Variants in AKAP19 observed in about 807,000 individuals in gnomAD.
The protein encoded by AKAP19 is A-kinase anchoring protein 19, also known as small A-kinase anchoring protein.
the AKAP19 span, among the ~76,000 whole-genome samples, chr2:190,098,055 GT>G: frequency 6.6e-6 from 1 of 151,908 alleles, no homozygotes; most frequent in African/African-American, 2.4e-5. Context: ...ATTCATGAAG[GT>G]TTGAATCAAC....
chr2:190,074,260 T>G, the AKAP19 span, among the ~76,000 whole-genome samples: 8 of 152,182 alleles, frequency 5.3e-5, no homozygotes, highest in Non-Finnish European at 1.0e-4. Flanking sequence ...GGTAAATTTT[T>G]ATAAGGAAAA....
chr2:190,139,900 C>T, the AKAP19 span, among the ~76,000 whole-genome samples: 9 of 152,124 alleles, frequency 5.9e-5, no homozygotes, highest in Non-Finnish European at 5.9e-5. Flanking sequence ...TGTCCAAGTC[C>T]AAAGTCTCAT....
At chr2:190,056,814 A>G in the AKAP19 span, 1 of 183,902 alleles carries the variant, frequency 5.4e-6, no homozygotes, top group Non-Finnish European at 1.2e-5. Flanking sequence ...TACAATATAA[A>G]TTCAAGTGTT....
chr2:189,945,610 A>G, the AKAP19 span, among the ~76,000 whole-genome samples: 2 of 152,232 alleles, frequency 1.3e-5, no homozygotes, highest in African/African-American at 4.8e-5. Context: ...TTAAAATTAT[A>G]CCTCAATAGA....
the AKAP19 span, among the ~76,000 whole-genome samples, chr2:190,095,167 A>G: frequency 6.6e-6 from 1 of 152,232 alleles, no homozygotes; most frequent in Non-Finnish European, 1.5e-5. Context: ...GGTTACAGTG[A>G]GCCAAGATCA....
the AKAP19 span, among the ~76,000 whole-genome samples, chr2:190,157,689 A>T: frequency 3.3e-5 from 5 of 152,142 alleles, no homozygotes; most frequent in Non-Finnish European, 5.9e-5. Flanking sequence ...TGTGGGAAAA[A>T]TTTACATTAA....
chr2:189,981,286 T>G, the AKAP19 span, among the ~76,000 whole-genome samples: 1 of 151,898 alleles, frequency 6.6e-6, no homozygotes, highest in Non-Finnish European at 1.5e-5. Context: ...TTTTTTTTTT[T>G]TTTTTGCTGT....
At chr2:190,167,333 C>A in the AKAP19 span, among the ~76,000 whole-genome samples, 2 of 152,196 alleles carry the variant, frequency 1.3e-5, no homozygotes, top group Non-Finnish European at 2.9e-5. Flanking sequence ...TCAGTTACCT[C>A]TCACTGGGTC....
At chr2:189,992,168 G>T in the AKAP19 span, among the ~76,000 whole-genome samples, 1 of 150,500 alleles carries the variant, frequency 6.6e-6, no homozygotes, top group Non-Finnish European at 1.5e-5. Flanking sequence ...CAATTCTCCT[G>T]TCTCAGCCTC....
At chr2:190,175,615 T>C in the AKAP19 span, among the ~76,000 whole-genome samples, 1 of 152,198 alleles carries the variant, frequency 6.6e-6, no homozygotes. Flanking sequence ...AAAGAATTTT[T>C]TTCTTCAGGA....
the AKAP19 span, among the ~76,000 whole-genome samples, chr2:190,013,445 T>C: frequency 6.6e-6 from 1 of 152,072 alleles, no homozygotes; most frequent in Non-Finnish European, 1.5e-5. Flanking sequence ...ATTTTAGTTA[T>C]AATTTTTTTC....
At chr2:190,018,631 A>G in the AKAP19 span, among the ~76,000 whole-genome samples, 1 of 152,142 alleles carries the variant, frequency 6.6e-6, no homozygotes, top group Admixed American at 6.5e-5. Flanking sequence ...GTCATTCCAT[A>G]GATCTTCATT....
At chr2:190,074,344 AAAG>A in the AKAP19 span, among the ~76,000 whole-genome samples, 1 of 152,054 alleles carries the variant, frequency 6.6e-6, no homozygotes, top group African/African-American at 2.4e-5. Flanking sequence ...CACAGTTTTG[AAAG>A]AAGAATTTAA....
At chr2:190,014,416 A>G in the AKAP19 span, among the ~76,000 whole-genome samples, 35 of 152,246 alleles carry the variant, frequency 2.3e-4, no homozygotes, top group East Asian at 6.8e-3. Context: ...TCTCATGAAA[A>G]TTCACTCACT....
the AKAP19 span, chr2:190,180,453 G>T: frequency 1.0e-6 from 1 of 985,186 alleles, no homozygotes; most frequent in Admixed American, 6.1e-5. This position sits in a 1 kb window ranked among gnomAD's most constrained non-coding sequence, Gnocchi z 6.8. Context: ...CCAGGGGCAG[G>T]GCCAGCGAAA....
At chr2:190,023,060 A>G in the AKAP19 span, among the ~76,000 whole-genome samples, 60 of 152,150 alleles carry the variant, frequency 3.9e-4, no homozygotes, top group Non-Finnish European at 7.4e-4. Flanking sequence ...ATTTATATTT[A>G]TATTTGAGCA....
At chr2:189,951,327 A>T in the AKAP19 span, among the ~76,000 whole-genome samples, 636 of 149,628 alleles carry the variant, frequency 4.3e-3, 9 homozygotes, top group African/African-American at 0.015. Context: ...TCAGCCTCCC[A>T]AGTAGCTGGG....
the AKAP19 span, among the ~76,000 whole-genome samples, chr2:190,124,147 C>T: frequency 6.6e-6 from 1 of 152,206 alleles, no homozygotes; most frequent in Admixed American, 6.5e-5. Flanking sequence ...TGCAGATGGC[C>T]TGTCATGGGA....
At chr2:190,097,440 T>G in the AKAP19 span, among the ~76,000 whole-genome samples, 14 of 152,324 alleles carry the variant, frequency 9.2e-5, no homozygotes, top group South Asian at 2.5e-3. Context: ...GGCAGTTTCT[T>G]AAAATGAGAA....
Sources: gnomAD v4.1 joint callset for allele counts (sites outside exome capture counted in the v4.1 genomes callset) on GRCh38, gnomAD v4.1.1 for gene constraint, Gnocchi (gnomAD v3.1) non-coding constraint, MANE v1.5 for transcripts, NCBI Gene and HGNC (gene_info 2026-07-23, HGNC 2026-07-21) for gene names.